Variants in NRG3 observed in about 807,000 individuals in gnomAD.
NRG3 encodes pro-neuregulin-3, membrane-bound isoform.
NRG3 carries 31 observed loss-of-function variants against 66.9 expected under a neutral mutation model. The observed-to-expected ratio is 0.46, with a 90% CI of 0.35 to 0.63. The LOEUF (loss-of-function observed/expected upper bound fraction) is 0.63. NRG3 is among the 20% of genes least tolerant of loss of function. The pLI is 0.00. For missense variants in NRG3, 910 were observed against 878.9 expected, an observed-to-expected ratio of 1.04 and a Z score of -0.45; for synonymous variants, 393 against 359.4, an observed-to-expected ratio of 1.09 and a Z score of -1.06.
chr10:82,536,974 T>C (rs113200482), intron 2 of NRG3, among the ~76,000 whole-genome samples: 2,333 of 151,984 alleles, frequency 0.015, 28 homozygotes, highest in Middle Eastern at 0.068. Context: ...TAAGTTGACA[T>C]GAATAAGCAA....
chr10:82,486,914 G>A (rs929903817), intron 2 of NRG3, among the ~76,000 whole-genome samples: 3 of 152,018 alleles, frequency 2.0e-5, no homozygotes, highest in African/African-American at 7.2e-5. Flanking sequence ...ACTTGCTAGG[G>A]CCTGGGAAGG....
At chr10:82,153,411 TTGTGTGTGTGTG>T (rs34783247) in intron 1 of NRG3, among the ~76,000 whole-genome samples, 1 of 146,526 alleles carries the variant, frequency 6.8e-6, no homozygotes, top group Non-Finnish European at 1.5e-5. Flanking sequence ...TAGTATTCCA[TTGTGTGTGTGTG>T]TGTGTGTGTG....
intron 2 of NRG3, among the ~76,000 whole-genome samples, chr10:82,564,468 G>A (rs2045260405): frequency 6.6e-6 from 1 of 152,102 alleles, no homozygotes; most frequent in Non-Finnish European, 1.5e-5. Context: ...GGGCCTGGGA[G>A]TTTCCACTTA....
chr10:81,876,232 TC>T, intron 1 of NRG3, 69 bp downstream of exon 1: 1 of 1,495,498 alleles, frequency 6.7e-7, no homozygotes. Flanking sequence ...GCTGTCTTTT[TC>T]CCTCGCCGCC....
intron 3 of NRG3, among the ~76,000 whole-genome samples, chr10:82,841,583 T>A (rs1032034136): frequency 6.6e-6 from 1 of 152,140 alleles, no homozygotes; most frequent in African/African-American, 2.4e-5. Context: ...TGGTACTGTA[T>A]CCTTGAGGCA....
intron 2 of NRG3, among the ~76,000 whole-genome samples, chr10:82,433,478 A>G (rs887552837): frequency 6.6e-6 from 1 of 151,918 alleles, no homozygotes; most frequent in Non-Finnish European, 1.5e-5. Flanking sequence ...ATTAGATCCC[A>G]TTTGTCAATT....
intron 1 of NRG3, among the ~76,000 whole-genome samples, chr10:82,289,616 A>G (rs1012259428): frequency 2.0e-5 from 3 of 152,200 alleles, no homozygotes; most frequent in Admixed American, 1.3e-4. Flanking sequence ...TGAAAATAAT[A>G]TTCATTTCCT....
rs1465945974 is a variant in NRG3 at position 82,775,473 on chromosome 10, A to G, written c.1027+36823A>G. Among the ~76,000 whole-genome samples, 3 of 152,166 alleles carry G rather than the reference A, an allele frequency of 2.0e-5. No individual in the cohort carries two copies. In the South Asian group the frequency reaches 6.2e-4, roughly 32 times the overall value. ...TCATATACTTATAGTTCAAAATAAT[A>G]CTAGATATGATTTCTATCTACTCAA... On this transcript the variant is annotated intron_variant, in intron 3 of 8. Coordinates refer to ENST00000372141, the MANE Select transcript of NRG3 (RefSeq NM_001010848.4).
chr10:82,856,190 T>C (rs190556864), intron 3 of NRG3, among the ~76,000 whole-genome samples: 1 of 152,306 alleles, frequency 6.6e-6, no homozygotes, highest in Admixed American at 6.5e-5. Flanking sequence ...TGTTGAGAGC[T>C]TAACCAGATG....
chr10:82,602,064 C>T (rs893579559), intron 2 of NRG3, among the ~76,000 whole-genome samples: 3 of 151,212 alleles, frequency 2.0e-5, no homozygotes, highest in Non-Finnish European at 2.9e-5. Flanking sequence ...GTATGGGTGA[C>T]AGAGTGAAGC....
chr10:82,403,011 A>G (rs559518225), intron 2 of NRG3, among the ~76,000 whole-genome samples: 9 of 152,316 alleles, frequency 5.9e-5, no homozygotes, highest in African/African-American at 1.9e-4. Flanking sequence ...AAAGGAATCT[A>G]TGTGATCTTT....
chr10:82,408,107 GAA>G (rs2087733507), intron 2 of NRG3, among the ~76,000 whole-genome samples: 1 of 134,942 alleles, frequency 7.4e-6, no homozygotes, highest in African/African-American at 2.9e-5. Flanking sequence ...AAGAAAGAAA[GAA>G]AGAAAGAAAG....
At position 82,655,295 on chromosome 10, in the gene NRG3, T is replaced by C. The variant is rs944521820; in HGVS notation, c.954-83282T>C. ...AAACAAAAGAAAAAATGACAACCTG[T>C]AGTAAACATCTTTGCAACAAATAAG... is the stretch of plus-strand genomic sequence containing the variant. On this transcript the variant is annotated intron_variant, in intron 2 of 8. Coordinates refer to ENST00000372141, the MANE Select transcript of NRG3 (RefSeq NM_001010848.4). Among the ~76,000 whole-genome samples, 10 of 152,256 alleles carry C rather than the reference T, an allele frequency of 6.6e-5. No homozygotes were observed. In the South Asian group the frequency reaches 2.1e-3, roughly 31 times the overall value.
intron 1 of NRG3, among the ~76,000 whole-genome samples, chr10:82,018,113 A>G (rs1370227605): frequency 6.6e-6 from 1 of 152,146 alleles, no homozygotes; most frequent in Non-Finnish European, 1.5e-5. Context: ...ATTTTTGTGT[A>G]AGGTGTAAGG....
intron 1 of NRG3, among the ~76,000 whole-genome samples, chr10:81,886,033 G>T (rs190143096): frequency 2.0e-5 from 3 of 152,082 alleles, no homozygotes; most frequent in Non-Finnish European, 4.4e-5. Flanking sequence ...GGGAGGTAGA[G>T]CATCAGGATA....
At chr10:81,908,331 A>G (rs1423527287) in intron 1 of NRG3, among the ~76,000 whole-genome samples, 1 of 152,182 alleles carries the variant, frequency 6.6e-6, no homozygotes, top group East Asian at 1.9e-4. Flanking sequence ...TTTCTAGTAA[A>G]GTTGACTAAG....
At chr10:82,692,603 A>C (rs2055025477) in intron 2 of NRG3, among the ~76,000 whole-genome samples, 1 of 152,186 alleles carries the variant, frequency 6.6e-6, no homozygotes, top group Admixed American at 6.5e-5. Flanking sequence ...CACACAGGAG[A>C]CAAAGAGGCC....
At chr10:82,793,031 C>G (rs1231573436) in intron 3 of NRG3, among the ~76,000 whole-genome samples, 1 of 151,912 alleles carries the variant, frequency 6.6e-6, no homozygotes, top group East Asian at 1.9e-4. Flanking sequence ...GTTTTCTTCT[C>G]TCTCTTTTTT....
intron 6 of NRG3, among the ~76,000 whole-genome samples, chr10:82,963,621 A>AGTGAGCC (rs1229707601): frequency 1.3e-5 from 2 of 152,218 alleles, no homozygotes; most frequent in East Asian, 3.9e-4. Context: ...CAGAGCTTGC[A>AGTGAGCC]GTGAGCCGAG....
Sources: gnomAD v4.1 joint callset for allele counts (sites outside exome capture counted in the v4.1 genomes callset) on GRCh38, gnomAD v4.1.1 for gene constraint, MANE v1.5 for transcripts, NCBI Gene and HGNC (gene_info 2026-07-23, HGNC 2026-07-21) for gene names.